Variants in SLC30A9 observed in about 807,000 individuals in gnomAD.
SLC30A9 encodes proton-coupled zinc antiporter SLC30A9, mitochondrial.
SLC30A9 carries 58 observed loss-of-function variants against 87.5 expected under a neutral mutation model. The observed-to-expected ratio is 0.66, with a 90% confidence interval of 0.54 to 0.82. The LOEUF is 0.82. SLC30A9 is among the 40% of genes least tolerant of loss of function. The probability of loss-of-function intolerance (pLI) is 0.00; values close to 1 mark genes in which losing one functional copy is unlikely to be tolerated. For synonymous variants in SLC30A9, 234 were observed against 233.0 expected (o/e 1.00, Z -0.04); for missense variants, 557 against 679.1 (o/e 0.82, Z 2.00).
intron 16 of SLC30A9, among the ~76,000 whole-genome samples, chr4:42,077,556 A>G (rs1718605679): frequency 1.3e-5 from 2 of 152,062 alleles, no homozygotes; most frequent in South Asian, 4.1e-4. Context: ...GGTGCCTGTG[A>G]CCACACCCGG....
At chr4:42,070,030 A>G (rs1169032041) in intron 14 of SLC30A9, among the ~76,000 whole-genome samples, 9 of 152,186 alleles carry the variant, frequency 5.9e-5, no homozygotes, top group African/African-American at 1.9e-4. Context: ...GAATGATACT[A>G]GCTATATATC....
chr4:42,030,299 G>A (rs2088610192), intron 6 of SLC30A9, among the ~76,000 whole-genome samples: 1 of 152,148 alleles, frequency 6.6e-6, no homozygotes, highest in Admixed American at 6.5e-5. Context: ...GTAAACTAAA[G>A]TGTAGCAATA....
chr4:42,061,459 C>T (rs996901670), intron 10 of SLC30A9, among the ~76,000 whole-genome samples: 1 of 152,112 alleles, frequency 6.6e-6, no homozygotes, highest in East Asian at 1.9e-4. Context: ...TTTACTTTAA[C>T]GTGAATATAT....
At position 42,086,345 on chromosome 4, in the gene SLC30A9, A is replaced by G; in HGVS notation, c.*219A>G. 2.6e-6 allele frequency: 1 copy of G among 377,818 alleles called. No homozygotes were observed. Among genetic ancestry groups the G allele is most frequent in the East Asian group, 4.2e-5 (1 of 23,798 alleles). 23.4% of individuals were successfully genotyped at this position (377,818 alleles called of 1,614,324 possible). The stretch of plus-strand genomic sequence containing the variant: ...ACACACTACAAGTTGAATCAATTTG[A>G]AAATCATGTTTTTATGCTTCCATAG... On this transcript the variant is annotated 3_prime_UTR_variant, in exon 18 of 18. Transcript: ENST00000264451.
At chr4:42,064,014 A>G (rs1231135307) in intron 11 of SLC30A9, among the ~76,000 whole-genome samples, 1 of 152,166 alleles carries the variant, frequency 6.6e-6, no homozygotes, top group African/African-American at 2.4e-5. Context: ...CTCAAGCCCA[A>G]TGATCTACTC....
chr4:42,042,693 A>G (rs1329320080), intron 8 of SLC30A9, among the ~76,000 whole-genome samples: 1 of 152,188 alleles, frequency 6.6e-6, no homozygotes, highest in Non-Finnish European at 1.5e-5. Context: ...TGAAGAGAGC[A>G]GCGGATCTCC....
intron 3 of SLC30A9, among the ~76,000 whole-genome samples, chr4:42,019,626 G>A (rs1385529173): frequency 2.6e-5 from 4 of 151,902 alleles, no homozygotes; most frequent in African/African-American, 7.3e-5. Flanking sequence ...ATACTAATTA[G>A]CAACTAGTAT....
At chr4:42,000,033 C>T (rs1345728045) in intron 1 of SLC30A9, among the ~76,000 whole-genome samples, 1 of 151,972 alleles carries the variant, frequency 6.6e-6, no homozygotes. Flanking sequence ...GGGTACGTGG[C>T]AGTTTATTGT....
rs1458610461 is a variant in SLC30A9, at chr4:42,023,312, G to T, written c.538G>T (p.Val180Phe). Reference protein sequence around the residue: ...RSDVEAKSLEVWGSPEALARE... With the variant: ...RSDVEAKSLEFWGSPEALARE... ...TGTGTGTATGCACAGATCTTTGGAA[G>T]TTTGGGGAAGCCCTGAAGCTCTTGC... Residue 180 changes from valine to phenylalanine, a missense_variant, in exon 6 of 18, where the codon GTT (valine) becomes TTT (phenylalanine). Physicochemically the swap from Val to Phe is conservative, Grantham distance 50. Around this residue, in one of 2 missense-constraint regions of SLC30A9, gnomAD observed 467 missense variants for 529.8 expected, o/e 0.88. Transcript: ENST00000264451. 1 of 1,612,962 alleles carries T rather than the reference G, an allele frequency of 6.2e-7. No individual in the cohort carries two copies. The highest frequency in any genetic ancestry group is 8.5e-7 in the Non-Finnish European group (1 of 1,179,016).
intron 14 of SLC30A9, among the ~76,000 whole-genome samples, chr4:42,067,838 G>A (rs910917342): frequency 6.6e-6 from 1 of 152,180 alleles, no homozygotes; most frequent in Non-Finnish European, 1.5e-5. Context: ...GCCCTGCCAT[G>A]GGATGGCATC....
intron 8 of SLC30A9, among the ~76,000 whole-genome samples, chr4:42,048,043 C>T (rs946389164): frequency 3.3e-5 from 5 of 150,912 alleles, no homozygotes; most frequent in Non-Finnish European, 5.9e-5. Context: ...CACATGGACA[C>T]AGAGAGGGGA....
intron 11 of SLC30A9, among the ~76,000 whole-genome samples, chr4:42,064,937 T>C (rs754562949): frequency 2.6e-5 from 4 of 152,198 alleles, no homozygotes; most frequent in Non-Finnish European, 4.4e-5. Flanking sequence ...AAGCTTTTTT[T>C]ACCATCTTTA....
At chr4:42,040,223 C>T (rs748608326) in intron 8 of SLC30A9, among the ~76,000 whole-genome samples, 17 of 152,110 alleles carry the variant, frequency 1.1e-4, no homozygotes, top group Non-Finnish European at 2.2e-4. Flanking sequence ...ATGTTTAGGG[C>T]ACCCAGGTGG....
In SLC30A9 at chr4:42,087,415, C is replaced by G. The variant is rs1290901475; in HGVS notation, c.*1289C>G. 1 of 151,950 alleles carries G rather than the reference C, an allele frequency of 6.6e-6. No homozygotes were observed. Among genetic ancestry groups the G allele is most frequent in the Non-Finnish European group, 1.5e-5 (1 of 67,984 alleles). The allele number at this position is 151,950 out of a possible 1,614,324, so 9.4% of individuals were successfully genotyped here. A position where few individuals can be genotyped will look rare whatever the true frequency, so the allele number is the denominator to read the frequency against. ...ATTAATGAGTTCTTAACATGTGGAC[C>G]CAACTGCCTGTGTGAGATCTGTGTC... On this transcript the variant is annotated 3_prime_UTR_variant, in exon 18 of 18. Transcript: ENST00000264451.
At chr4:42,015,879 A>G (rs1026825756) in intron 2 of SLC30A9, among the ~76,000 whole-genome samples, 9 of 152,112 alleles carry the variant, frequency 5.9e-5, no homozygotes, top group Non-Finnish European at 8.8e-5. Context: ...AAAATACACA[A>G]ATACCTACAC....
At chr4:41,997,446 T>C (rs562982862) in intron 1 of SLC30A9, among the ~76,000 whole-genome samples, 1 of 152,190 alleles carries the variant, frequency 6.6e-6, no homozygotes, top group Admixed American at 6.5e-5. Context: ...GTTTTTTTTT[T>C]ATTATTATGG....
At chr4:42,071,259 C>T (rs1303333305) in intron 15 of SLC30A9, among the ~76,000 whole-genome samples, 2 of 152,062 alleles carry the variant, frequency 1.3e-5, no homozygotes, top group African/African-American at 2.4e-5. Flanking sequence ...ATTCTAGCAG[C>T]ATTGTGGTTT....
intron 9 of SLC30A9, among the ~76,000 whole-genome samples, chr4:42,059,146 G>A (rs1717745881): frequency 6.6e-6 from 1 of 151,894 alleles, no homozygotes; most frequent in Admixed American, 6.6e-5. Flanking sequence ...GTAACCTAAG[G>A]GAAACCTCAT....
intron 2 of SLC30A9, among the ~76,000 whole-genome samples, chr4:42,007,565 C>G (rs2660321): frequency 0.65 from 98,456 of 151,942 alleles, 36,021 homozygotes; most frequent in East Asian, 0.96. Flanking sequence ...TCCTGGCTAA[C>G]CCGGTGAAAC....
Sources: gnomAD v4.1 joint callset for allele counts (sites outside exome capture counted in the v4.1 genomes callset) on GRCh38, gnomAD v4.1.1 for gene constraint, gnomAD v4.1.1 regional missense constraint, MANE v1.5 for transcripts, NCBI Gene and HGNC (gene_info 2026-07-23, HGNC 2026-07-21) for gene names.